Variants in MBD5 observed in about 807,000 individuals in gnomAD.
MBD5 encodes the protein methyl-CpG binding domain protein 5.
In MBD5, 13 loss-of-function variants were observed where a neutral mutation model predicts 117.3. The ratio of observed to expected loss-of-function variants is 0.11; its 90% CI spans 0.07 to 0.18. MBD5 has a LOEUF of 0.18. MBD5 is among the 10% of genes least tolerant of loss of function. The probability of loss-of-function intolerance (pLI) is 1.00; values close to 1 mark genes in which losing one functional copy is unlikely to be tolerated. For synonymous variants in MBD5, 727 were observed against 766.4 expected (o/e 0.95, Z 0.85); for missense variants, 1,879 against 2,093.8 (o/e 0.90, Z 2.00).
intron 1 of MBD5, among the ~76,000 whole-genome samples, chr2:148,083,689 G>A (rs983164756): frequency 6.6e-6 from 1 of 151,816 alleles, no homozygotes; most frequent in Non-Finnish European, 1.5e-5. Flanking sequence ...GTGCAGTCGC[G>A]CGATCTTGGC....
intron 4 of MBD5, among the ~76,000 whole-genome samples, chr2:148,442,508 T>C (rs1706358396): frequency 6.6e-6 from 1 of 151,176 alleles, no homozygotes; most frequent in Non-Finnish European, 1.5e-5. Flanking sequence ...AAATAGACTA[T>C]GTTAGATAGT....
chr2:148,172,037 A>G (rs1025714079), intron 1 of MBD5, among the ~76,000 whole-genome samples: 1 of 152,230 alleles, frequency 6.6e-6, no homozygotes, highest in Non-Finnish European at 1.5e-5. Context: ...AGCCAGGTGC[A>G]GTGGCATGTG....
intron 11 of MBD5, among the ~76,000 whole-genome samples, chr2:148,494,857 G>C (rs1681650788): frequency 6.6e-6 from 1 of 152,112 alleles, no homozygotes; most frequent in Non-Finnish European, 1.5e-5. Flanking sequence ...CAGCTACTGC[G>C]GAGGCTGAGG....
chr2:148,284,104 C>G (rs1701315105), intron 3 of MBD5, among the ~76,000 whole-genome samples: 1 of 152,100 alleles, frequency 6.6e-6, no homozygotes, highest in African/African-American at 2.4e-5. Context: ...CTATTTTGCC[C>G]TTGCTTTTTT....
chr2:148,065,600 A>G (rs1170661482), intron 1 of MBD5, among the ~76,000 whole-genome samples: 1 of 152,254 alleles, frequency 6.6e-6, no homozygotes, highest in African/African-American at 2.4e-5. Flanking sequence ...ATAGGATATC[A>G]TAGTTTAATG....
At chr2:148,152,720 T>C (rs1420774525) in intron 1 of MBD5, among the ~76,000 whole-genome samples, 1 of 150,868 alleles carries the variant, frequency 6.6e-6, no homozygotes, top group Admixed American at 6.6e-5. Flanking sequence ...TTTTGATCTT[T>C]GTTGGTTTAA....
intron 4 of MBD5, among the ~76,000 whole-genome samples, chr2:148,448,409 TG>T (rs1326513033): frequency 1.3e-5 from 2 of 152,016 alleles, no homozygotes; most frequent in Non-Finnish European, 1.5e-5. Flanking sequence ...ACAGTGTATT[TG>T]GGTGGGTTTC....
chr2:148,154,689 G>A (rs187134263), intron 1 of MBD5, among the ~76,000 whole-genome samples: 37 of 152,266 alleles, frequency 2.4e-4, no homozygotes, highest in Admixed American at 5.2e-4. Flanking sequence ...GGAGTGACCC[G>A]ATTTTCCAGG....
chr2:148,063,953 C>T (rs1695108676), intron 1 of MBD5, among the ~76,000 whole-genome samples: 1 of 151,900 alleles, frequency 6.6e-6, no homozygotes, highest in Non-Finnish European at 1.5e-5. Context: ...CCATTGCCAC[C>T]CTGTTTGCTC....
chr2:148,350,310 C>T (rs969643631), intron 4 of MBD5, among the ~76,000 whole-genome samples: 2 of 151,970 alleles, frequency 1.3e-5, no homozygotes, highest in African/African-American at 2.4e-5. Context: ...TCATGTGCAC[C>T]ATTACATAGC....
chr2:148,084,168 G>C (rs530668858), intron 1 of MBD5, among the ~76,000 whole-genome samples: 28 of 152,240 alleles, frequency 1.8e-4, no homozygotes, highest in Admixed American at 1.6e-3. Context: ...CAAATACTAA[G>C]ATCTTATGTC....
chr2:148,374,513 G>T (rs1379284708), intron 4 of MBD5, among the ~76,000 whole-genome samples: 1 of 152,148 alleles, frequency 6.6e-6, no homozygotes, highest in Non-Finnish European at 1.5e-5. Flanking sequence ...GTTAGCAAGT[G>T]CTTATTGAAT....
rs761872951 is a variant in MBD5, at chr2:148,489,483, C to A, written c.3851C>A (p.Pro1284His). The change falls in exon 11 of 14, where the codon CCT (proline) becomes CAT (histidine). Residue 1284 changes from proline (P) to histidine (H), a missense_variant. Physicochemically the swap from Pro to His is moderately conservative, Grantham distance 77 (BLOSUM62 -2). Coordinates refer to ENST00000642680, the MANE Select transcript of MBD5 (RefSeq NM_001378120.1). ...GAGAATCCAAACACTACACTTCCAC[C>A]TTTTCAAGATACACCTTGTGAGTTG... ...LPENPNTTLP[P>H]FQDTPCELQP... 8 of 1,614,070 alleles carry A rather than the reference C, an allele frequency of 5.0e-6. No individual in the cohort carries two copies. The East Asian group carries it at 1.8e-4, about 36-fold the overall frequency.
At chr2:148,346,357 G>A (rs1298277102) in intron 4 of MBD5, 1 of 151,906 alleles carries the variant, frequency 6.6e-6, no homozygotes, top group Non-Finnish European at 1.5e-5. Flanking sequence ...CTTTGAAAAT[G>A]CTAGATTATG....
At chr2:148,347,830 G>T (rs1703158279) in intron 4 of MBD5, among the ~76,000 whole-genome samples, 1 of 151,618 alleles carries the variant, frequency 6.6e-6, no homozygotes, top group Non-Finnish European at 1.5e-5. Context: ...TGCTGAAAGG[G>T]GCCCATGATG....
chr2:148,337,739 A>G (rs532372854), intron 3 of MBD5, among the ~76,000 whole-genome samples: 3 of 152,300 alleles, frequency 2.0e-5, no homozygotes, highest in South Asian at 2.1e-4. Flanking sequence ...CACTCTTGCT[A>G]ATGTCCAGAT....
chr2:148,022,156 C>G (rs1693767519), intron 1 of MBD5, among the ~76,000 whole-genome samples: 1 of 152,124 alleles, frequency 6.6e-6, no homozygotes, highest in African/African-American at 2.4e-5. Context: ...ATTTGTAGAC[C>G]TGAGTGTTTT....
In MBD5 at chr2:148,109,326, T is replaced by C. The variant is rs1314664182; in HGVS notation, c.-924-69374T>C. Among the ~76,000 whole-genome samples, 3 of 152,144 alleles carry C rather than the reference T, an allele frequency of 2.0e-5. No homozygotes were observed. In the East Asian group the frequency reaches 5.8e-4, roughly 29 times the overall value. On this transcript the variant is annotated intron_variant, in intron 1 of 13. Transcript: ENST00000642680. ...ATATTTGTGACATAGATTTCAAATC[T>C]AAGAATTTATAAAAATAGATAATGT...
intron 3 of MBD5, among the ~76,000 whole-genome samples, chr2:148,338,160 T>C (rs1574306033): frequency 6.6e-6 from 1 of 152,312 alleles, no homozygotes; most frequent in South Asian, 2.1e-4. Context: ...GAGTGAATAA[T>C]TTTTCTAAAG....
Sources: gnomAD v4.1 joint callset for allele counts (sites outside exome capture counted in the v4.1 genomes callset) on GRCh38, gnomAD v4.1.1 for gene constraint, MANE v1.5 for transcripts, NCBI Gene and HGNC (gene_info 2026-07-23, HGNC 2026-07-21) for gene names.